The following SOX5 variants were observed in gnomAD, a reference collection of about 807,000 sequenced individuals.
SOX5 encodes transcription factor SOX-5.
A neutral mutation model predicts 92.0 loss-of-function variants in SOX5; 9 were observed. That is an observed-to-expected ratio of 0.10 (90% CI 0.06 to 0.17). The LOEUF is 0.17. SOX5 is among the 10% of genes least tolerant of loss of function. The pLI, the probability that SOX5 is intolerant of heterozygous loss-of-function variation, is 1.00. For synonymous variants in SOX5, 344 were observed against 336.3 expected (o/e 1.02, Z -0.25); for missense variants, 642 against 944.5 (o/e 0.68, Z 4.20).
intron 4 of SOX5, among the ~76,000 whole-genome samples, chr12:24,024,719 G>A (rs995147729): frequency 6.6e-6 from 1 of 151,994 alleles, no homozygotes; most frequent in Non-Finnish European, 1.5e-5. Context: ...TACTGTGTTA[G>A]CATTGGACAG....
chr12:23,590,512 G>C (rs1245308356), intron 9 of SOX5, among the ~76,000 whole-genome samples: 1 of 151,778 alleles, frequency 6.6e-6, no homozygotes, highest in Non-Finnish European at 1.5e-5. Flanking sequence ...ACACCTTCTG[G>C]AACCCTTTTC....
In SOX5 at chr12:23,578,640, T is replaced by C. The variant is rs568964864; in HGVS notation, c.1165-2802A>G. ...ACACTCATATGCATAATAAATTGAA[T>C]GTTACTGAGATTCCATGAGAAAATA... On this transcript the variant is annotated intron_variant, in intron 9 of 14. Coordinates refer to ENST00000451604, the MANE Select transcript of SOX5 (RefSeq NM_006940.6). 7.1e-4 allele frequency among the ~76,000 whole-genome samples: 108 copies of C among 152,256 alleles called. 1 individual carries two copies. The highest frequency in any genetic ancestry group is 1.9e-3 in the South Asian group (9 of 4,830).
At chr12:23,641,010 C>T in intron 7 of SOX5, 113 bp from the exon 8 acceptor site, 1 of 674,784 alleles carries the variant, frequency 1.5e-6, no homozygotes, top group East Asian at 2.7e-5. Flanking sequence ...TTGCTGAGGC[C>T]TAATGAAAAG....
At chr12:24,328,333 A>G (rs1254015848) in intron 2 of SOX5, among the ~76,000 whole-genome samples, 1 of 152,190 alleles carries the variant, frequency 6.6e-6, no homozygotes, top group East Asian at 1.9e-4. Context: ...TGGTTCATCT[A>G]TGGAACAATC....
intron 1 of SOX5, among the ~76,000 whole-genome samples, chr12:24,452,393 C>T (rs1290927264): frequency 4.6e-5 from 7 of 152,136 alleles, no homozygotes; most frequent in Non-Finnish European, 1.0e-4. Flanking sequence ...AGGTCATCCA[C>T]AGTTACTGGA....
chr12:24,512,956 A>AC (rs1949457245), intron 1 of SOX5, among the ~76,000 whole-genome samples: 2 of 152,242 alleles, frequency 1.3e-5, no homozygotes, highest in Non-Finnish European at 2.9e-5. Flanking sequence ...TACGATTTCC[A>AC]ATTTATGATG....
At chr12:23,768,628 T>C (rs1480679123) in intron 3 of SOX5, among the ~76,000 whole-genome samples, 1 of 152,140 alleles carries the variant, frequency 6.6e-6, no homozygotes, top group Non-Finnish European at 1.5e-5. Context: ...AGAGTTGAGA[T>C]CATCAATTAA....
At chr12:24,049,686 G>A (rs1191062920) in intron 4 of SOX5, among the ~76,000 whole-genome samples, 3 of 110,910 alleles carry the variant, frequency 2.7e-5, no homozygotes, top group African/African-American at 1.0e-4. Context: ...GGTAGGGGGA[G>A]AATCCCAGAA....
intron 1 of SOX5, among the ~76,000 whole-genome samples, chr12:24,377,021 C>T (rs562264663): frequency 2.0e-5 from 3 of 152,170 alleles, no homozygotes; most frequent in African/African-American, 7.2e-5. Context: ...CTGGGCCAGC[C>T]ATCCTCTGCC....
intron 7 of SOX5, among the ~76,000 whole-genome samples, chr12:23,649,986 C>T (rs2081349649): frequency 6.6e-6 from 1 of 152,084 alleles, no homozygotes; most frequent in South Asian, 2.1e-4. Context: ...TGTGGAGACT[C>T]ATTCCTTTAT....
intron 4 of SOX5, among the ~76,000 whole-genome samples, chr12:24,106,986 G>A (rs1946767410): frequency 6.6e-6 from 1 of 151,952 alleles, no homozygotes; most frequent in Non-Finnish European, 1.5e-5. Flanking sequence ...ATTGAGGTAA[G>A]GTAAAGAAGA....
At chr12:23,753,717 T>C (rs1206545785) in intron 4 of SOX5, among the ~76,000 whole-genome samples, 1 of 151,768 alleles carries the variant, frequency 6.6e-6, no homozygotes, top group Non-Finnish European at 1.5e-5. Flanking sequence ...GCAGGAAAAC[T>C]ACATTCCTGG....
At chr12:23,759,024 C>CAG (rs2094491292) in intron 3 of SOX5, among the ~76,000 whole-genome samples, 1 of 65,346 alleles carries the variant, frequency 1.5e-5, no homozygotes, top group African/African-American at 4.7e-5. Context: ...CACACACACA[C>CAG]ACACAGACAC....
intron 1 of SOX5, among the ~76,000 whole-genome samples, chr12:24,413,530 T>G (rs1424935526): frequency 6.6e-6 from 1 of 152,224 alleles, no homozygotes; most frequent in Non-Finnish European, 1.5e-5. Flanking sequence ...ATAAAAATAT[T>G]AACTTTTTAT....
intron 2 of SOX5, among the ~76,000 whole-genome samples, chr12:23,865,746 G>A (rs1227575787): frequency 6.6e-6 from 1 of 152,122 alleles, no homozygotes; most frequent in Non-Finnish European, 1.5e-5. Flanking sequence ...GATGTATCTT[G>A]GCAAAGTAAA....
At chr12:23,881,154 T>G (rs1439254623) in intron 2 of SOX5, among the ~76,000 whole-genome samples, 1 of 152,114 alleles carries the variant, frequency 6.6e-6, no homozygotes, top group Non-Finnish European at 1.5e-5. Flanking sequence ...TGTGCTGCCA[T>G]GTTAATTTAG....
chr12:23,700,810 A>G (rs1406036746), intron 6 of SOX5, among the ~76,000 whole-genome samples: 3 of 152,034 alleles, frequency 2.0e-5, no homozygotes, highest in African/African-American at 7.2e-5. Context: ...AGCCCAAATG[A>G]GTTCTTCCTT....
chr12:23,607,552 T>C (rs2075396445), intron 8 of SOX5, among the ~76,000 whole-genome samples: 1 of 152,222 alleles, frequency 6.6e-6, no homozygotes, highest in Non-Finnish European at 1.5e-5. Flanking sequence ...ATATGTGTAG[T>C]GAATGATTTT....
At chr12:24,106,653 A>T (rs1044258140) in intron 4 of SOX5, among the ~76,000 whole-genome samples, 2 of 151,716 alleles carry the variant, frequency 1.3e-5, no homozygotes. Context: ...TTACCTGGGT[A>T]TGGTGGTGAG....
Sources: gnomAD v4.1 joint callset for allele counts (sites outside exome capture counted in the v4.1 genomes callset) on GRCh38, gnomAD v4.1.1 for gene constraint, MANE v1.5 for transcripts, NCBI Gene and HGNC (gene_info 2026-07-23, HGNC 2026-07-21) for gene names.